Variants in BEND7 observed in about 807,000 individuals in gnomAD.
BEND7 encodes the protein BEN domain-containing protein 7.
BEND7 carries 28 observed loss-of-function variants against 50.9 expected under a neutral mutation model. The ratio of observed to expected loss-of-function variants is 0.55; its 90% CI spans 0.41 to 0.75. BEND7 has a LOEUF of 0.75. BEND7 is among the 30% of genes least tolerant of loss of function. The pLI, the probability that BEND7 is intolerant of heterozygous loss-of-function variation, is 0.00. For missense variants in BEND7, 477 were observed against 491.3 expected (o/e 0.97, Z 0.28); for synonymous variants, 170 against 183.9 (o/e 0.92, Z 0.61).
intron 5 of BEND7, among the ~76,000 whole-genome samples, chr10:13,481,532 G>A (rs1007631318): frequency 6.6e-6 from 1 of 152,228 alleles, no homozygotes; most frequent in African/African-American, 2.4e-5. Flanking sequence ...GTGCAGTACA[G>A]TTACAGATCA....
At chr10:13,487,168 A>AT (rs1165686321) in intron 5 of BEND7, among the ~76,000 whole-genome samples, 3 of 152,206 alleles carry the variant, frequency 2.0e-5, no homozygotes, top group African/African-American at 7.2e-5. Context: ...AGGCTAACAC[A>AT]TATCATACAG....
chr10:13,458,808 C>T (rs1042430137), intron 6 of BEND7, among the ~76,000 whole-genome samples: 5 of 152,084 alleles, frequency 3.3e-5, no homozygotes, highest in Admixed American at 1.3e-4. Context: ...TCATGGCAGG[C>T]AGCCCGCCCA....
intron 2 of BEND7, among the ~76,000 whole-genome samples, chr10:13,511,777 C>T (rs1564400776): frequency 3.3e-5 from 5 of 152,174 alleles, no homozygotes. Flanking sequence ...TGACACCAAG[C>T]TAAGAGGTTC....
chr10:13,511,299 A>T (rs1284053305), intron 2 of BEND7: 1 of 152,220 alleles, frequency 6.6e-6, no homozygotes, highest in Non-Finnish European at 1.5e-5. Flanking sequence ...GTAACTAACT[A>T]ACTTCAGACC....
intron 2 of BEND7, among the ~76,000 whole-genome samples, chr10:13,518,437 A>G (rs564124705): frequency 1.3e-5 from 2 of 152,370 alleles, no homozygotes; most frequent in East Asian, 3.9e-4. Context: ...ACATGGCTTT[A>G]TGTCCTTAAA....
At chr10:13,525,992 C>A (rs2079436387) in intron 2 of BEND7, 146 bp downstream of exon 2, 1 of 357,944 alleles carries the variant, frequency 2.8e-6, no homozygotes, top group Non-Finnish European at 5.3e-6. Context: ...GATATATTGG[C>A]AATCTGTAAA....
chr10:13,441,450 C>T lies in BEND7; in HGVS notation c.*293G>A, dbSNP rs1370336876. The T allele has an allele frequency of 3.4e-5, 39 of 1,153,294 alleles. No homozygotes were observed. Among genetic ancestry groups the T allele is most frequent in the Admixed American group, 1.0e-4 (2 of 19,686 alleles). 71.4% of individuals were successfully genotyped at this position (1,153,294 alleles called of 1,614,324 possible). On this transcript the variant is annotated 3_prime_UTR_variant, in exon 9 of 9. Transcript: ENST00000466271. ...AGTGTGTAGATCCGTTCATCGCACA[C>T]ATCTTTGGGTTGAACAAGCTCCACC...
chr10:13,482,137 C>T (rs1436219791), intron 5 of BEND7, among the ~76,000 whole-genome samples: 2 of 152,172 alleles, frequency 1.3e-5, no homozygotes, highest in Non-Finnish European at 2.9e-5. Flanking sequence ...GATTGCAGCC[C>T]TCCCTGATCC....
chr10:13,517,065 CTTTT>C (rs5783329), intron 2 of BEND7, among the ~76,000 whole-genome samples: 68 of 126,098 alleles, frequency 5.4e-4, no homozygotes, highest in Middle Eastern at 8.4e-3. Flanking sequence ...TTTCTGGTGG[CTTTT>C]TTTTTTTTTT....
intron 2 of BEND7, among the ~76,000 whole-genome samples, chr10:13,503,646 A>G (rs1287219436): frequency 1.3e-5 from 2 of 152,232 alleles, no homozygotes; most frequent in Non-Finnish European, 2.9e-5. Context: ...TGGGAGGCGG[A>G]GGTTGCAGTG....
intron 2 of BEND7, among the ~76,000 whole-genome samples, chr10:13,517,047 A>G (rs1307573647): frequency 1.4e-5 from 2 of 147,162 alleles, no homozygotes; most frequent in East Asian, 3.9e-4. Flanking sequence ...TTGTTGCCCT[A>G]TTAGGGTTTT....
At chr10:13,455,086 C>T (rs7905841) in intron 6 of BEND7, among the ~76,000 whole-genome samples, 3 of 152,078 alleles carry the variant, frequency 2.0e-5, no homozygotes, top group East Asian at 1.9e-4. Context: ...GTAGGAGAAT[C>T]GCTTGAACCT....
intron 2 of BEND7, among the ~76,000 whole-genome samples, chr10:13,515,933 C>T (rs950083305): frequency 6.6e-6 from 1 of 152,150 alleles, no homozygotes; most frequent in African/African-American, 2.4e-5. Flanking sequence ...TGTACGTTTA[C>T]GCTGCCAACA....
Position 13,452,643 on chromosome 10 carries a change from T to C in BEND7, c.1079A>G (p.Tyr360Cys). 6.3e-7 allele frequency: 1 copy of C among 1,599,678 alleles called. No individual in the cohort carries two copies. The highest frequency in any genetic ancestry group is 8.5e-7 in the Non-Finnish European group (1 of 1,173,596). The change falls in exon 7 of 9, where the codon TAC becomes TGC. Residue 360 changes from tyrosine (Y) to cysteine (C), a missense_variant. By Grantham distance (194) the Tyr-to-Cys change is radical. Coordinates refer to ENST00000466271, the MANE Select transcript of BEND7 (RefSeq NM_001369863.1). ...CTTATCCACATGGTTAGCTGTACAG[T>C]ACTTTTCTGTGAAGACTGAAAGAAA... is the stretch of plus-strand genomic sequence containing the variant. The part of the protein sequence containing the change: ...VGAIKVFTEK[Y>C]CTANHVDKLP...
intron 5 of BEND7, among the ~76,000 whole-genome samples, chr10:13,488,090 A>T (rs1211245486): frequency 8.8e-6 from 1 of 114,232 alleles, no homozygotes; most frequent in Non-Finnish European, 1.7e-5. Flanking sequence ...CAATTACAAA[A>T]AAAAAAAAAA....
chr10:13,527,817 A>C, intron 1 of BEND7: 1 of 983,006 alleles, frequency 1.0e-6, no homozygotes, highest in South Asian at 4.7e-5. Flanking sequence ...CCCTGACAAA[A>C]TACAAACCCT....
At chr10:13,475,978 G>C (rs10906385) in intron 6 of BEND7, among the ~76,000 whole-genome samples, 80,365 of 152,004 alleles carry the variant, frequency 0.53, 22,180 homozygotes, top group East Asian at 0.75. Context: ...TTTCAACCTT[G>C]TTCTTATAAA....
intron 2 of BEND7, chr10:13,503,052 C>T (rs1179997678): frequency 2.5e-6 from 1 of 395,856 alleles, no homozygotes; most frequent in Admixed American, 6.4e-5. Flanking sequence ...TCTGCTTTGT[C>T]ATGACCTCAG....
chr10:13,512,895 C>T (rs988720309), intron 2 of BEND7, among the ~76,000 whole-genome samples: 1 of 151,886 alleles, frequency 6.6e-6, no homozygotes, highest in Admixed American at 6.5e-5. Flanking sequence ...TGGCAGCCTT[C>T]CCTGAGTGAG....
Sources: gnomAD v4.1 joint callset for allele counts (sites outside exome capture counted in the v4.1 genomes callset) on GRCh38, gnomAD v4.1.1 for gene constraint, MANE v1.5 for transcripts, NCBI Gene and HGNC (gene_info 2026-07-23, HGNC 2026-07-21) for gene names.